ATP2C2: variants seen among roughly 807,000 people sequenced by gnomAD.
ATP2C2 encodes calcium-transporting ATPase type 2C member 2.
Under a neutral mutation model 110.8 loss-of-function variants are expected in ATP2C2, and 171 were observed. That is an observed-to-expected ratio of 1.54 (90% CI 1.36 to 1.75). The LOEUF (loss-of-function observed/expected upper bound fraction) is 1.75, where lower values mean the gene tolerates loss of function less well. ATP2C2 is among the 40% of genes most tolerant of loss of function. The pLI, the probability that ATP2C2 is intolerant of heterozygous loss-of-function variation, is 0.00. For synonymous variants in ATP2C2, 804 were observed against 508.4 expected (o/e 1.58, Z -7.82); for missense variants, 1,963 against 1,235.0 (o/e 1.59, Z -8.84).
chr16:84,399,382 T>G (rs1207245800), intron 2 of ATP2C2, among the ~76,000 whole-genome samples: 1 of 152,224 alleles, frequency 6.6e-6, no homozygotes, highest in Non-Finnish European at 1.5e-5. Context: ...TGAGCTAGAT[T>G]TTCTTTCACT....
chr16:84,451,832 C>A (rs573176060), intron 17 of ATP2C2, 89 bp from the exon 18 acceptor site: 99 of 1,334,538 alleles, frequency 7.4e-5, no homozygotes, highest in Non-Finnish European at 1.0e-4. Context: ...GAACAAAACT[C>A]TCTTAAAAAA....
At position 84,415,506 on chromosome 16, in the gene ATP2C2, A is replaced by C. The variant is rs550371299; in HGVS notation, c.539A>C (p.His180Pro). Residue 180 changes from histidine (H) to proline (P), a missense_variant, in exon 7 of 27, where the codon CAC becomes CCC. By Grantham distance (77) the His-to-Pro change is moderately conservative. Transcript: ENST00000262429. ...CNCLREGKLQ[H>P]LLARELVPGD... ...AGCCTAAGAGAAGGAAAACTCCAGC[A>C]CCTGCTTGCTCGAGAACTGGTTCCT... The C allele has an allele frequency of 6.2e-7, 1 of 1,614,122 alleles. No individual in the cohort carries two copies. The highest frequency in any genetic ancestry group is 1.1e-5 in the South Asian group (1 of 91,068).
intron 9 of ATP2C2, 110 bp from the exon 10 acceptor site, chr16:84,423,078 C>G: frequency 1.2e-6 from 1 of 863,014 alleles, no homozygotes; most frequent in Non-Finnish European, 1.9e-6. Flanking sequence ...TATGTGTACC[C>G]CTGTGTAATC....
At chr16:84,432,160 T>C (rs1407452854) in intron 11 of ATP2C2, among the ~76,000 whole-genome samples, 1 of 152,196 alleles carries the variant, frequency 6.6e-6, no homozygotes, top group African/African-American at 2.4e-5. Flanking sequence ...GGTGTTTCGT[T>C]ACGTGAATAA....
In ATP2C2 at chr16:84,404,422, A is replaced by T. The variant is rs1406887563; in HGVS notation, c.211-706A>T. The T allele has an allele frequency of 3.1e-5, 5 of 161,572 alleles. No individual in the cohort carries two copies. The East Asian group carries it at 7.1e-4, about 23-fold the overall frequency. 10.0% of individuals were successfully genotyped at this position (161,572 alleles called of 1,614,324 possible). On this transcript the variant is annotated intron_variant, in intron 2 of 26. Coordinates refer to ENST00000262429, the MANE Select transcript of ATP2C2 (RefSeq NM_014861.4). ...AATTTGACTAGTCTATGTAATTCAT[A>T]TGTGGAATCAACAGAATTTGTCTTT...
intron 1 of ATP2C2, among the ~76,000 whole-genome samples, chr16:84,373,366 G>C (rs1468536019): frequency 3.3e-5 from 5 of 152,092 alleles, no homozygotes; most frequent in African/African-American, 1.2e-4. Flanking sequence ...TGGGTGTGGT[G>C]GTGGGTGCCT....
intron 16 of ATP2C2, among the ~76,000 whole-genome samples, chr16:84,447,952 G>A (rs1433632690): frequency 1.3e-5 from 2 of 151,478 alleles, no homozygotes; most frequent in Non-Finnish European, 2.9e-5. Flanking sequence ...GCACCCACGT[G>A]AGCCAGGTAT....
At chr16:84,434,704 G>C (rs986067132) in intron 11 of ATP2C2, among the ~76,000 whole-genome samples, 1 of 151,612 alleles carries the variant, frequency 6.6e-6, no homozygotes, top group African/African-American at 2.4e-5. Flanking sequence ...TTTTGGTAGA[G>C]ACGGGGTTTC....
intron 7 of ATP2C2, among the ~76,000 whole-genome samples, chr16:84,418,325 C>T (rs1485065658): frequency 2.0e-5 from 3 of 152,156 alleles, no homozygotes; most frequent in Non-Finnish European, 4.4e-5. Context: ...CTCACCCCTC[C>T]TTGCCCCTTA....
At position 84,454,782 on chromosome 16, in the gene ATP2C2, C is replaced by T. The variant is rs376985298; in HGVS notation, c.1981-36C>T. On this transcript the variant is annotated intron_variant, in intron 20 of 26. Transcript: ENST00000262429. ...TGGCCGGGCACTGGGAGGTGGTCGT[C>T]AGGCTGCAGGCCTTCATTGCCTGCT... 2.5e-5 allele frequency: 38 copies of T among 1,536,730 alleles called. No homozygotes were observed. The African/African-American group carries it at 4.7e-4, about 19-fold the overall frequency.
At chr16:84,398,695 GAAATTC>G in intron 2 of ATP2C2, 86 bp downstream of exon 2, 4 of 1,033,772 alleles carry the variant, frequency 3.9e-6, no homozygotes, top group Non-Finnish European at 5.5e-6. Flanking sequence ...ACAGTGCTTT[GAAATTC>G]TGTGTTATTA....
At chr16:84,460,597 G>A (rs1398616981) in intron 23 of ATP2C2, 57 bp from the exon 24 acceptor site, 2 of 1,611,944 alleles carry the variant, frequency 1.2e-6, no homozygotes, top group Non-Finnish European at 8.5e-7. Context: ...GCTGTTTCAA[G>A]GGTCCTTTAT....
At position 84,440,772 on chromosome 16, in the gene ATP2C2, G is replaced by T. The variant is rs1909174250; in HGVS notation, c.1210-85G>T. 3.6e-5 allele frequency: 36 copies of T among 988,884 alleles called. 1 individual carries two copies. In the South Asian group the frequency reaches 4.7e-4, roughly 13 times the overall value. 61.3% of individuals were successfully genotyped at this position (988,884 alleles called of 1,614,324 possible). ...CGTTTAGGATTGTGTCCCTGGAATG[G>T]ATCCCCAGGACAGAGATTGTGGGCC... On this transcript the variant is annotated intron_variant, in intron 13 of 26. Coordinates refer to ENST00000262429, the MANE Select transcript of ATP2C2 (RefSeq NM_014861.4).
At chr16:84,435,722 G>GA (rs398119575) in intron 11 of ATP2C2, among the ~76,000 whole-genome samples, 1 of 151,716 alleles carries the variant, frequency 6.6e-6, no homozygotes, top group Admixed American at 6.6e-5. Flanking sequence ...GGCTACCAGG[G>GA]AGGCAGAGGC....
At chr16:84,460,395 T>G (rs1323143732) in intron 23 of ATP2C2, 2 of 551,280 alleles carry the variant, frequency 3.6e-6, no homozygotes, top group Admixed American at 6.2e-5. Context: ...TGTATGGAAC[T>G]GTGTGTGGTT....
intron 15 of ATP2C2, among the ~76,000 whole-genome samples, chr16:84,444,737 G>A (rs1909590035): frequency 1.5e-5 from 2 of 137,730 alleles, no homozygotes; most frequent in African/African-American, 5.2e-5. Flanking sequence ...GCACCCAGAA[G>A]AGATTTCCTT....
At chr16:84,382,086 T>G (rs1374179767) in intron 1 of ATP2C2, among the ~76,000 whole-genome samples, 1 of 152,186 alleles carries the variant, frequency 6.6e-6, no homozygotes, top group Non-Finnish European at 1.5e-5. Context: ...GCTGCACCCA[T>G]CAACCCATCA....
chr16:84,452,378 C>T (rs548548483), intron 18 of ATP2C2, among the ~76,000 whole-genome samples: 9 of 152,302 alleles, frequency 5.9e-5, no homozygotes, highest in African/African-American at 2.2e-4. Context: ...AGCATCATGG[C>T]CATGTACAGT....
rs751902189 is a variant in ATP2C2, at chr16:84,422,425, CG to C, written c.664del (p.Glu222LysfsTer12). On this transcript the variant is annotated frameshift_variant, in exon 8 of 27. Transcript: ENST00000262429. LOFTEE classifies it high-confidence loss of function. ...TCTTGGTGGATGAATCCAGTTTCAC[CG>C]GGGAAGCCGAGCCATGTAGTAAAAC... is the stretch of plus-strand genomic sequence containing the variant. Reference protein sequence around the residue: ...DLLVDESSFTGEAEPCSKTDS... With the variant: ...DLLVDESSFTXEAEPCSKTDS... The C allele has an allele frequency of 7.8e-5, 126 of 1,613,938 alleles. No individual in the cohort carries two copies. Among genetic ancestry groups the C allele is most frequent in the Non-Finnish European group, 1.0e-4 (118 of 1,180,006 alleles).
Sources: gnomAD v4.1 joint callset for allele counts (sites outside exome capture counted in the v4.1 genomes callset) on GRCh38, gnomAD v4.1.1 for gene constraint, MANE v1.5 for transcripts, NCBI Gene and HGNC (gene_info 2026-07-23, HGNC 2026-07-21) for gene names.